The following GPT2 variants were observed in gnomAD, a reference collection of about 807,000 sequenced individuals.
The protein encoded by GPT2 is glutamic--pyruvic transaminase 2, also known as alanine aminotransferase 2.
In GPT2, 30 loss-of-function variants were observed where a neutral mutation model predicts 56.9. That is an observed-to-expected ratio of 0.53 (90% confidence interval 0.39 to 0.72). GPT2 has a LOEUF of 0.72. GPT2 is among the 30% of genes least tolerant of loss of function. The pLI, the probability that GPT2 is intolerant of heterozygous loss-of-function variation, is 0.00. For missense variants in GPT2, 542 were observed against 703.4 expected, an observed-to-expected ratio of 0.77 and a Z score of 2.60; for synonymous variants, 271 against 283.1, an observed-to-expected ratio of 0.96 and a Z score of 0.43.
At chr16:46,892,979 A>G (rs897357504) in intron 2 of GPT2, among the ~76,000 whole-genome samples, 2 of 152,244 alleles carry the variant, frequency 1.3e-5, no homozygotes, top group Non-Finnish European at 2.9e-5. Context: ...TAATTAAATC[A>G]TCTTTACAGC....
intron 3 of GPT2, among the ~76,000 whole-genome samples, chr16:46,899,912 C>T (rs1408435093): frequency 6.6e-6 from 1 of 152,242 alleles, no homozygotes; most frequent in East Asian, 1.9e-4. Flanking sequence ...CTAGCCTTCA[C>T]ACATCTCCTC....
chr16:46,910,761 A>G (rs2143481307), intron 6 of GPT2, among the ~76,000 whole-genome samples: 2 of 152,164 alleles, frequency 1.3e-5, no homozygotes, highest in South Asian at 4.1e-4. Flanking sequence ...CGCCCAGCTA[A>G]TATTTTAATT....
At chr16:46,914,709 G>C (rs753075265) in intron 6 of GPT2, among the ~76,000 whole-genome samples, 6 of 152,190 alleles carry the variant, frequency 3.9e-5, no homozygotes, top group Non-Finnish European at 7.3e-5. Flanking sequence ...AGCATCTGTT[G>C]AGTGCTGTCT....
intron 5 of GPT2, among the ~76,000 whole-genome samples, chr16:46,909,012 A>G (rs1420085346): frequency 6.6e-6 from 1 of 152,130 alleles, no homozygotes; most frequent in African/African-American, 2.4e-5. Context: ...GAAATCTTCA[A>G]CAAGCATCCT....
intron 2 of GPT2, among the ~76,000 whole-genome samples, chr16:46,887,362 G>T (rs1167974661): frequency 6.6e-6 from 1 of 152,164 alleles, no homozygotes; most frequent in Non-Finnish European, 1.5e-5. Flanking sequence ...CAGCTACTCG[G>T]CAGGCTAAGG....
chr16:46,909,616 A>G (rs1041094503), intron 5 of GPT2, 68 bp from the exon 6 acceptor site: 2 of 1,565,312 alleles, frequency 1.3e-6, no homozygotes, highest in Non-Finnish European at 1.7e-6. Flanking sequence ...CAGTGGGGCC[A>G]CGGGTGAAAG....
chr16:46,900,718 A>G lies in GPT2; in HGVS notation c.370A>G (p.Ser124Gly). Reference sequence around the variant, plus strand: ...ATGCACCTACCCAAACCTGCTGGACAGCCCCAGCTTCCCAGAAGATGCTAA... The same window carrying G: ...ATGCACCTACCCAAACCTGCTGGACGGCCCCAGCTTCCCAGAAGATGCTAA... ...ALCTYPNLLD[S>G]PSFPEDAKKR... The change falls in exon 4 of 12, where the codon AGC (serine) becomes GGC (glycine). Residue 124 changes from serine to glycine, a missense_variant. By Grantham distance (56) the Ser-to-Gly change is moderately conservative (BLOSUM62 0). Coordinates refer to ENST00000340124, the MANE Select transcript of GPT2 (RefSeq NM_133443.4). The G allele has an allele frequency of 6.2e-7, 1 of 1,614,074 alleles. No individual in the cohort carries two copies. The highest frequency in any genetic ancestry group is 8.5e-7 in the Non-Finnish European group (1 of 1,179,964).
chr16:46,922,659 C>T (rs1316418984), intron 9 of GPT2, among the ~76,000 whole-genome samples: 1 of 152,164 alleles, frequency 6.6e-6, no homozygotes, highest in East Asian at 1.9e-4. Context: ...CCTTCCTCTT[C>T]CTCATGGCGA....
chr16:46,909,095 C>A, intron 5 of GPT2, among the ~76,000 whole-genome samples: 1 of 151,926 alleles, frequency 6.6e-6, no homozygotes. Flanking sequence ...TTTAAGAGTC[C>A]CCTGTTGGGG....
intron 10 of GPT2, among the ~76,000 whole-genome samples, chr16:46,926,505 C>T (rs371877943): frequency 6.6e-6 from 1 of 152,028 alleles, no homozygotes; most frequent in African/African-American, 2.4e-5. Flanking sequence ...TTAAGAGGCT[C>T]CCCGGGTGGT....
chr16:46,906,030 C>T (rs1475475959), intron 4 of GPT2, among the ~76,000 whole-genome samples: 4 of 152,066 alleles, frequency 2.6e-5, no homozygotes, highest in Admixed American at 6.6e-5. Context: ...CTGGTCAGAG[C>T]CCTGGGTGCC....
intron 4 of GPT2, among the ~76,000 whole-genome samples, chr16:46,906,469 T>G (rs1295638095): frequency 6.6e-6 from 1 of 152,182 alleles, no homozygotes; most frequent in East Asian, 1.9e-4. Flanking sequence ...GTGACTGACA[T>G]TGTCACAGAT....
In GPT2 at chr16:46,906,762, A is replaced by G. The variant is rs1346707848; in HGVS notation, c.443-80A>G. The G allele has an allele frequency of 1.5e-5, 24 of 1,565,582 alleles. No homozygotes were observed. In the South Asian group the frequency reaches 2.5e-4, roughly 16 times the overall value. On this transcript the variant is annotated intron_variant, in intron 4 of 11. Transcript: ENST00000340124. ...CCTCACCCCAAACAGGCATCCCTCT[A>G]ATTATATGGATGTTAATTATATTGA...
intron 4 of GPT2, among the ~76,000 whole-genome samples, chr16:46,905,685 T>C (rs1480396010): frequency 6.6e-6 from 1 of 152,140 alleles, no homozygotes; most frequent in Non-Finnish European, 1.5e-5. Flanking sequence ...AAAACCTAAA[T>C]AGCGGCCTGA....
rs1268804465 is a variant in GPT2, at chr16:46,884,407, G to C, written c.-83G>C. Reference sequence around the variant, plus strand: ...GGATGCGGCTGTGGGCGCCGGGGCCGGGTAGCTGCTCCAGGCGCGCGAGCT... The same window carrying C: ...GGATGCGGCTGTGGGCGCCGGGGCCCGGTAGCTGCTCCAGGCGCGCGAGCT... On this transcript the variant is annotated 5_prime_UTR_variant, in exon 1 of 12. Transcript: ENST00000340124. The C allele has an allele frequency of 8.9e-6, 2 of 224,142 alleles. No homozygotes were observed. Among genetic ancestry groups the C allele is most frequent in the Non-Finnish European group, 1.7e-5 (2 of 115,222 alleles). The allele number at this position is 224,142 out of a possible 1,614,324, so 13.9% of individuals were successfully genotyped here. A position where few individuals can be genotyped will look rare whatever the true frequency, so the allele number is the denominator to read the frequency against.
At chr16:46,919,540 G>A (rs572843276) in intron 8 of GPT2, among the ~76,000 whole-genome samples, 58 of 152,352 alleles carry the variant, frequency 3.8e-4, no homozygotes, top group Admixed American at 1.4e-3. Flanking sequence ...CTGCTGTGCT[G>A]GCAGAACACA....
Position 46,906,964 on chromosome 16 carries a change from G to A in GPT2, c.565G>A (p.Asp189Asn). Residue 189 changes from aspartate (D) to asparagine (N), a missense_variant, in exon 5 of 12, where the codon GAC (aspartate) becomes AAC (asparagine). Asp to Asn is a conservative substitution (Grantham distance 23, BLOSUM62 1). Coordinates refer to ENST00000340124, the MANE Select transcript of GPT2 (RefSeq NM_133443.4). The stretch of plus-strand genomic sequence containing the variant: ...CATCTACCTGACCACGGGAGCTAGT[G>A]ACGGCATTTCTGTACGTGTGAGGGT... ...DNIYLTTGAS[D>N]GISTILKILV... 1.2e-6 allele frequency: 2 copies of A among 1,614,228 alleles called. No individual in the cohort carries two copies. Among genetic ancestry groups the A allele is most frequent in the Non-Finnish European group, 1.7e-6 (2 of 1,180,048 alleles).
Position 46,926,964 on chromosome 16 carries a change from C to T in GPT2, c.1408C>T (p.Leu470Phe). The change falls in exon 11 of 12, where the codon CTC (leucine) becomes TTC (phenylalanine). Residue 470 changes from leucine to phenylalanine, a missense_variant. Leu to Phe is a conservative substitution (Grantham distance 22). Coordinates refer to ENST00000340124, the MANE Select transcript of GPT2 (RefSeq NM_133443.4). ...MAPDMFYCMKLLEETGICVVP... is the reference protein window; with the variant it reads ...MAPDMFYCMKFLEETGICVVP... Reference sequence around the variant, plus strand: ...TCCAGACATGTTCTACTGCATGAAGCTCCTGGAGGAGACTGGCATCTGTGT... The same window carrying T: ...TCCAGACATGTTCTACTGCATGAAGTTCCTGGAGGAGACTGGCATCTGTGT... 1 of 1,607,140 alleles carries T rather than the reference C, an allele frequency of 6.2e-7. No individual in the cohort carries two copies. The highest frequency in any genetic ancestry group is 1.7e-4 in the Middle Eastern group (1 of 6,030).
At chr16:46,887,812 A>G (rs1479111353) in intron 2 of GPT2, among the ~76,000 whole-genome samples, 3 of 151,960 alleles carry the variant, frequency 2.0e-5, no homozygotes, top group African/African-American at 7.3e-5. Flanking sequence ...CTGAGTCCCT[A>G]TCCTTTTTGC....
Sources: allele counts gnomAD v4.1 joint callset (sites outside exome capture counted in the v4.1 genomes callset), GRCh38; gene constraint gnomAD v4.1.1; transcripts MANE v1.5; gene names NCBI Gene and HGNC (gene_info 2026-07-23, HGNC 2026-07-21).